ABCA2: variants seen among roughly 807,000 people sequenced by gnomAD.
ABCA2 encodes the protein ATP binding cassette subfamily A member 2.
In ABCA2, 84 loss-of-function variants were observed where a neutral mutation model predicts 262.8. That is an observed-to-expected ratio of 0.32 (90% CI 0.27 to 0.38). ABCA2 has a LOEUF of 0.38. ABCA2 is among the 10% of genes least tolerant of loss of function. ABCA2 has a pLI of 1.00. For synonymous variants in ABCA2, 1,696 were observed against 1,502.9 expected, an observed-to-expected ratio of 1.13 and a Z score of -2.97; for missense variants, 2,662 against 3,405.9, an observed-to-expected ratio of 0.78 and a Z score of 5.44.
At chr9:137,013,606 G>A (rs370299442) in intron 28 of ABCA2, 43 bp from the exon 29 acceptor site, 1 of 1,555,632 alleles carries the variant, frequency 6.4e-7, no homozygotes, top group East Asian at 2.3e-5. Flanking sequence ...TCTGCCCTCT[G>A]GCCAGCGGCC....
In ABCA2 at chr9:137,007,944, C is replaced by T. The variant is rs777060889; in HGVS notation, c.7296G>A (p.Thr2432=). ...EEERAQLSFN[T]DTLC ...CTCTGGGTGGTCAGCAGAGCGTGTCCGTGTTGAAGGACAGCTGGGCCTGTG... is the reference window on the plus strand; with the variant it reads ...CTCTGGGTGGTCAGCAGAGCGTGTCTGTGTTGAAGGACAGCTGGGCCTGTG... The change falls in exon 49 of 49, where the codon ACG becomes ACA. Residue 2432 remains threonine, a synonymous_variant. Coordinates refer to ENST00000341511, the MANE Select transcript of ABCA2 (RefSeq NM_001606.5). The T allele has an allele frequency of 8.1e-6, 13 of 1,605,534 alleles. No homozygotes were observed. The highest frequency in any genetic ancestry group is 2.7e-5 in the African/African-American group (2 of 74,888).
chr9:137,016,730 C>T lies in ABCA2; in HGVS notation c.2767G>A (p.Gly923Arg), dbSNP rs1417678119. The change falls in exon 20 of 49, where the codon GGG (glycine) becomes AGG (arginine). Residue 923 changes from glycine to arginine, a missense_variant. Coordinates refer to ENST00000341511, the MANE Select transcript of ABCA2 (RefSeq NM_001606.5). ...GGGAAGTACCAGGGCCGGGGCAGCCCGTACATGCCTGGGGGTCGGGGAGGG... is the reference window on the plus strand; with the variant it reads ...GGGAAGTACCAGGGCCGGGGCAGCCTGTACATGCCTGGGGGTCGGGGAGGG... ...YIEAVHPGMY[G>R]LPRPWYFPLQ... 1 of 1,552,816 alleles carries T rather than the reference C, an allele frequency of 6.4e-7. No individual in the cohort carries two copies. Among genetic ancestry groups the T allele is most frequent in the Non-Finnish European group, 8.7e-7 (1 of 1,151,208 alleles).
At chr9:137,016,892 C>A in intron 19 of ABCA2, 28 bp downstream of exon 19, 3 of 1,607,236 alleles carry the variant, frequency 1.9e-6, no homozygotes, top group South Asian at 1.1e-5. Context: ...CCCTGCCTCT[C>A]CCCTGCCCTC....
chr9:137,017,372 C>T (rs746754754), intron 17 of ABCA2, 26 bp from the exon 18 acceptor site: 65 of 1,610,456 alleles, frequency 4.0e-5, no homozygotes, highest in South Asian at 6.6e-5. Context: ...CCACGCGCAC[C>T]GTCATCCACC....
Position 137,011,205 on chromosome 9 carries a change from G to A in ABCA2, c.5904C>T (p.Asn1968=), listed in dbSNP as rs200564702. ...CCTCACCAATCTTGGCGTAGTACTC[G>A]TTGATGTACTCGTTGTAGGCCATCT... ...LMEMAYNEYI[N]EYYAKIGQFD... is the part of the protein sequence containing the mutation. The change falls in exon 38 of 49, where the codon AAC becomes AAT. Residue 1968 remains asparagine (N), a synonymous_variant. Coordinates refer to ENST00000341511, the MANE Select transcript of ABCA2 (RefSeq NM_001606.5). The surrounding 1 kb of genome is among the most constrained non-coding windows in gnomAD (Gnocchi z 8.8). 1,255 of 1,612,496 alleles carry A rather than the reference G, an allele frequency of 7.8e-4. 1 individual carries two copies. Among genetic ancestry groups the A allele is most frequent in the Admixed American group, 1.8e-3 (108 of 60,002 alleles).
At position 137,011,964 on chromosome 9, in the gene ABCA2, G is replaced by A. The variant is rs141230870; in HGVS notation, c.5415C>T (p.Phe1805=). The A allele has an allele frequency of 6.2e-4, 1,006 of 1,612,706 alleles. 4 individuals carry two copies. The African/African-American group carries it at 0.011, about 18-fold the overall frequency. ...GGAAGACAACGAAGCTGGCCGGCAC[G>A]AAGGACATGGCCACGATGATGAAGA... ...IAIFIIVAMS[F]VPASFVVFLV... The change falls in exon 35 of 49, where the codon TTC becomes TTT. Residue 1805 remains phenylalanine (F), a synonymous_variant. Coordinates refer to ENST00000341511, the MANE Select transcript of ABCA2 (RefSeq NM_001606.5). This position sits in a 1 kb window ranked among gnomAD's most constrained non-coding sequence, Gnocchi z 8.8.
chr9:137,010,543 A>G (rs1312932817), intron 40 of ABCA2, 77 bp downstream of exon 40: 1 of 1,264,506 alleles, frequency 7.9e-7, no homozygotes, highest in South Asian at 1.7e-5. Context: ...CCCAGGCTCC[A>G]CCTCCACTGC....
rs201433097 is a variant in ABCA2 at position 137,012,171 on chromosome 9, G to C, written c.5300-9C>G. On this transcript the variant is annotated splice_polypyrimidine_tract_variant and intron_variant, in intron 33 of 48. Coordinates refer to ENST00000341511, the MANE Select transcript of ABCA2 (RefSeq NM_001606.5). The stretch of plus-strand genomic sequence containing the variant: ...GTTGGTGACGGTGATGCCTGCACAC[G>C]GCGGGGCGGGGGCGGCAGCTTCAGG... 2.5e-6 allele frequency: 4 copies of C among 1,611,732 alleles called. No individual in the cohort carries two copies. The highest frequency in any genetic ancestry group is 3.4e-6 in the Non-Finnish European group (4 of 1,179,786).
At position 137,013,218 on chromosome 9, in the gene ABCA2, C is replaced by T. The variant is rs376177227; in HGVS notation, c.4651G>A (p.Gly1551Ser). Residue 1551 changes from glycine (G) to serine (S), a missense_variant, in exon 30 of 49, where the codon GGC becomes AGC. Transcript: ENST00000341511. Reference sequence around the variant, plus strand: ...AGGTTCAACGTGGGCCCCAGCGAGCCGTTGGCGGGAGACTTGAGCACGCAG... The same window carrying T: ...AGGTTCAACGTGGGCCCCAGCGAGCTGTTGGCGGGAGACTTGAGCACGCAG... ...ATCVLKSPAN[G>S]SLGPTLNLSS... 45 of 1,602,778 alleles carry T rather than the reference C, an allele frequency of 2.8e-5. No individual in the cohort carries two copies. Among genetic ancestry groups the T allele is most frequent in the African/African-American group, 2.1e-4 (16 of 74,760 alleles).
intron 13 of ABCA2, 89 bp from the exon 14 acceptor site, chr9:137,018,440 A>C: frequency 1.9e-5 from 1 of 52,432 alleles, no homozygotes. Context: ...GGCGGGGCCA[A>C]GGTGTGGGGG....
Position 137,016,712 on chromosome 9 carries a change from AC to A in ABCA2, c.2784del (p.Trp928CysfsTer81). 6.4e-7 allele frequency: 1 copy of A among 1,570,784 alleles called. No individual in the cohort carries two copies. ...HPGMYGLPRP[W>X]YFPLQKSYWL... ...CAGTAGGACTTCTGCAGTGGGAAGT[AC>A]CAGGGCCGGGGCAGCCCGTACATGC... On this transcript the variant is annotated frameshift_variant, in exon 20 of 49. Transcript: ENST00000341511. LOFTEE classifies it high-confidence loss of function.
chr9:137,014,659 G>T (rs934679038), intron 26 of ABCA2, 31 bp downstream of exon 26: 1 of 1,594,996 alleles, frequency 6.3e-7, no homozygotes, highest in Admixed American at 1.8e-5. Flanking sequence ...TGTGGGTGGG[G>T]TGGGCTGAGC....
upstream of ABCA2, chr9:137,028,600 C>CA: frequency 2.0e-6 from 2 of 1,023,552 alleles, no homozygotes; most frequent in Non-Finnish European, 2.5e-6. This position sits in a 1 kb window ranked among gnomAD's most constrained non-coding sequence, Gnocchi z 6.9. Flanking sequence ...AGAGGCGCCC[C>CA]AAGCCTTCAC....
intron 21 of ABCA2, 46 bp downstream of exon 21, chr9:137,016,245 T>C (rs758637572): frequency 1.9e-6 from 3 of 1,611,690 alleles, no homozygotes; most frequent in Non-Finnish European, 2.5e-6. Context: ...CTAGGACTCC[T>C]GCTCTGGTCA....
intron 28 of ABCA2, 51 bp downstream of exon 28, chr9:137,013,781 C>T (rs557924788): frequency 3.8e-5 from 59 of 1,547,962 alleles, no homozygotes; most frequent in East Asian, 1.9e-4. Flanking sequence ...GGGCTCCCAG[C>T]GGGCGGTGGG....
rs1404379655 is a variant in ABCA2, at chr9:137,022,424, A to G, written c.494T>C (p.Phe165Ser). ...VARNPQELWR[F>S]LTQNLSLPNS... ...GGGCAGCGACAAGTTTTGCGTCAGG[A>G]AACGCCAGAGCTCCTGCGGGTTTCT... is the stretch of plus-strand genomic sequence containing the variant. Residue 165 changes from phenylalanine to serine, a missense_variant, in exon 6 of 49, where the codon TTC becomes TCC. Coordinates refer to ENST00000341511, the MANE Select transcript of ABCA2 (RefSeq NM_001606.5). The G allele has an allele frequency of 1.2e-6, 2 of 1,612,020 alleles. No homozygotes were observed. Among genetic ancestry groups the G allele is most frequent in the East Asian group, 2.2e-5 (1 of 44,862 alleles).
In ABCA2 at chr9:137,011,163, C is replaced by T; in HGVS notation, c.5923+23G>A. ...GGCCTTGCGGGGCCCCCACCGCCTT[C>T]CCCGCCCCACGGGCCCCCTCACCAA... On this transcript the variant is annotated intron_variant, in intron 38 of 48. Transcript: ENST00000341511. This position sits in a 1 kb window ranked among gnomAD's most constrained non-coding sequence, Gnocchi z 8.8. The T allele has an allele frequency of 6.2e-7, 1 of 1,612,368 alleles. No individual in the cohort carries two copies. Among genetic ancestry groups the T allele is most frequent in the Non-Finnish European group, 8.5e-7 (1 of 1,179,764 alleles).
upstream of ABCA2, chr9:137,028,404 C>A: frequency 2.0e-6 from 1 of 493,206 alleles, no homozygotes; most frequent in Non-Finnish European, 2.6e-6. The surrounding 1 kb of genome is among the most constrained non-coding windows in gnomAD (Gnocchi z 6.9). Flanking sequence ...CCGGGACCGA[C>A]CCGGGCCCGA....
At position 137,020,857 on chromosome 9, in the gene ABCA2, C is replaced by T. The variant is rs891669901; in HGVS notation, c.1102G>A (p.Ala368Thr). ...GPPASGAGGA[A>T]NGTGAGAVMG... ...ACTGCCCCTGCCCCAGTGCCATTGGCCGCCCCACCCGCACCACTGGCTGGG... is the reference window on the plus strand; with the variant it reads ...ACTGCCCCTGCCCCAGTGCCATTGGTCGCCCCACCCGCACCACTGGCTGGG... Residue 368 changes from alanine (A) to threonine (T), a missense_variant, in exon 9 of 49, where the codon GCC becomes ACC. Ala to Thr is a moderately conservative substitution (Grantham distance 58). This residue lies in a region of ABCA2 where 403 missense variants were observed against 375.9 expected (regional missense o/e 1.07). Transcript: ENST00000341511. 9 of 1,541,248 alleles carry T rather than the reference C, an allele frequency of 5.8e-6. No homozygotes were observed. Among genetic ancestry groups the T allele is most frequent in the Non-Finnish European group, 6.1e-6 (7 of 1,141,214 alleles).
Sources: gnomAD v4.1 joint callset for allele counts on GRCh38, gnomAD v4.1.1 for gene constraint, gnomAD v4.1.1 regional missense constraint, Gnocchi (gnomAD v3.1) non-coding constraint, MANE v1.5 for transcripts, NCBI Gene and HGNC (gene_info 2026-07-23, HGNC 2026-07-21) for gene names.